The following SMC3 variants were observed in gnomAD, a reference collection of about 807,000 sequenced individuals.
SMC3 encodes the protein structural maintenance of chromosomes 3, also known as structural maintenance of chromosomes protein 3.
Under a neutral mutation model 171.8 loss-of-function variants are expected in SMC3, and 20 were observed. That is an observed-to-expected ratio of 0.12 (90% CI 0.08 to 0.17). The LOEUF (loss-of-function observed/expected upper bound fraction) is 0.17, where lower values mean the gene tolerates loss of function less well. SMC3 is among the 10% of genes least tolerant of loss of function. The pLI is 1.00. For missense variants in SMC3, 543 were observed against 1,420.4 expected, an observed-to-expected ratio of 0.38 and a Z score of 9.93; for synonymous variants, 464 against 451.1, an observed-to-expected ratio of 1.03 and a Z score of -0.36.
At chr10:110,597,143 C>CAA (rs11347729) in intron 19 of SMC3, among the ~76,000 whole-genome samples, 15 of 135,342 alleles carry the variant, frequency 1.1e-4, no homozygotes, top group African/African-American at 3.8e-4. Flanking sequence ...GACCCTGTCT[C>CAA]AAAAAAAAAA....
intron 2 of SMC3, among the ~76,000 whole-genome samples, chr10:110,571,378 A>G (rs75343614): frequency 0.11 from 17,086 of 152,216 alleles, 1,151 homozygotes; most frequent in East Asian, 0.26. Context: ...TAAATAACTC[A>G]CAGACTTTGT....
intron 22 of SMC3, 42 bp downstream of exon 22, chr10:110,600,588 T>A: frequency 1.0e-6 from 1 of 977,054 alleles, no homozygotes; most frequent in East Asian, 2.4e-5. Context: ...GGCTCCTTGG[T>A]GGCCATGACC....
At chr10:110,587,841 CCTGGGGATGAATT>C (rs1333231667) in intron 13 of SMC3, among the ~76,000 whole-genome samples, 1 of 152,128 alleles carries the variant, frequency 6.6e-6, no homozygotes, top group Non-Finnish European at 1.5e-5. Context: ...GTTCAGATAG[CCTGGGGATGAATT>C]AAGTAATTGC....
intron 20 of SMC3, among the ~76,000 whole-genome samples, chr10:110,598,958 A>G (rs1861343848): frequency 6.6e-6 from 1 of 152,030 alleles, no homozygotes; most frequent in Admixed American, 6.6e-5. Flanking sequence ...GCAAACTTAT[A>G]AGTGATAGTG....
At chr10:110,582,146 A>G (rs774935690) in intron 9 of SMC3, 48 bp downstream of exon 9, 9 of 1,516,312 alleles carry the variant, frequency 5.9e-6, no homozygotes, top group Non-Finnish European at 7.3e-6. Context: ...TTTTGTTTTT[A>G]TGAATTTGTT....
intron 1 of SMC3, 124 bp downstream of exon 1, chr10:110,567,955 G>A: frequency 1.6e-6 from 2 of 1,212,314 alleles, no homozygotes; most frequent in Admixed American, 2.0e-5. Context: ...GGCTGGGCGG[G>A]GACTGTGGGG....
chr10:110,603,323 A>G, intron 28 of SMC3, 33 bp downstream of exon 28: 1 of 1,260,954 alleles, frequency 7.9e-7, no homozygotes. Context: ...TTAAGTTTGT[A>G]TTTATTCAAT....
intron 6 of SMC3, 71 bp from the exon 7 acceptor site, chr10:110,578,557 G>A (rs1347716647): frequency 9.5e-7 from 1 of 1,058,058 alleles, no homozygotes; most frequent in East Asian, 2.6e-5. Flanking sequence ...CAACCAAGGG[G>A]CTACTCTACT....
At chr10:110,571,134 TC>T (rs1860864910) in intron 2 of SMC3, among the ~76,000 whole-genome samples, 1 of 152,228 alleles carries the variant, frequency 6.6e-6, no homozygotes, top group South Asian at 2.1e-4. Flanking sequence ...TAAACTATAA[TC>T]CTTTTACTCA....
chr10:110,602,372 GT>G, intron 25 of SMC3, 101 bp from the exon 26 acceptor site: 1 of 1,078,970 alleles, frequency 9.3e-7, no homozygotes, highest in Non-Finnish European at 1.4e-6. Flanking sequence ...TGTTATCCTT[GT>G]TCTTAAGATT....
intron 18 of SMC3, among the ~76,000 whole-genome samples, chr10:110,593,528 C>G (rs369596609): frequency 6.6e-6 from 1 of 152,024 alleles, no homozygotes; most frequent in Admixed American, 6.6e-5. Context: ...GCCGAGATCA[C>G]GCCACTGCAC....
At chr10:110,582,976 G>A (rs940381935) in intron 10 of SMC3, among the ~76,000 whole-genome samples, 2 of 144,172 alleles carry the variant, frequency 1.4e-5, no homozygotes, top group Admixed American at 1.4e-4. Context: ...CCATTGCACA[G>A]GCTGGAGTGC....
At chr10:110,570,829 T>C (rs1860860291) in intron 2 of SMC3, among the ~76,000 whole-genome samples, 2 of 152,178 alleles carry the variant, frequency 1.3e-5, no homozygotes, top group Admixed American at 1.3e-4. Flanking sequence ...CTAAAACAAA[T>C]GAACCCAAGA....
At chr10:110,601,541 A>G (rs1861387381) in intron 23 of SMC3, 96 bp from the exon 24 acceptor site, 2 of 1,328,600 alleles carry the variant, frequency 1.5e-6, no homozygotes, top group South Asian at 2.5e-5. Context: ...AAAACCTAAA[A>G]CCTATTTTGG....
At chr10:110,587,240 A>G (rs1444617224) in intron 13 of SMC3, among the ~76,000 whole-genome samples, 1 of 152,214 alleles carries the variant, frequency 6.6e-6, no homozygotes, top group East Asian at 1.9e-4. Flanking sequence ...GTTGTAATGC[A>G]TTTAATAAAG....
intron 13 of SMC3, among the ~76,000 whole-genome samples, chr10:110,588,098 C>G (rs763441799): frequency 6.6e-6 from 1 of 152,168 alleles, no homozygotes; most frequent in Admixed American, 6.5e-5. Context: ...TCAAGTGATT[C>G]TCCTGCCTCA....
chr10:110,582,539 T>C lies in SMC3; in HGVS notation c.724-23T>C, dbSNP rs371189135. The C allele has an allele frequency of 5.8e-6, 9 of 1,564,366 alleles. No individual in the cohort carries two copies. The African/African-American group carries it at 1.1e-4, about 19-fold the overall frequency. Reference sequence around the variant, plus strand: ...TAGTAATTACAAAATGAGTTAGATATGATAAGTTGTTTTTTTTCTTAGCTT... The same window carrying C: ...TAGTAATTACAAAATGAGTTAGATACGATAAGTTGTTTTTTTTCTTAGCTT... On this transcript the variant is annotated intron_variant, in intron 9 of 28. Transcript: ENST00000361804.
chr10:110,582,548 G>GTT lies in SMC3; in HGVS notation c.724-7_724-6dup, dbSNP rs11380915. The GTT allele has an allele frequency of 1.9e-5, 31 of 1,591,086 alleles. No individual in the cohort carries two copies. In the African/African-American group the frequency reaches 2.0e-4, roughly 10 times the overall value. On this transcript the variant is annotated splice_polypyrimidine_tract_variant and intron_variant, in intron 9 of 28. Transcript: ENST00000361804. Reference sequence around the variant, plus strand: ...CAAAATGAGTTAGATATGATAAGTTGTTTTTTTTCTTAGCTTTCTGCTAAG... The same window carrying GTT: ...CAAAATGAGTTAGATATGATAAGTTGTTTTTTTTTTCTTAGCTTTCTGCTAAG...
intron 18 of SMC3, among the ~76,000 whole-genome samples, chr10:110,595,727 A>G (rs1421682143): frequency 7.9e-6 from 1 of 125,994 alleles, no homozygotes; most frequent in Non-Finnish European, 1.7e-5. Flanking sequence ...TTAAAAAAGT[A>G]TCACTGTGAT....
Sources: allele counts gnomAD v4.1 joint callset (sites outside exome capture counted in the v4.1 genomes callset), GRCh38; gene constraint gnomAD v4.1.1; transcripts MANE v1.5; gene names NCBI Gene and HGNC (gene_info 2026-07-23, HGNC 2026-07-21).